PDE4D: variants seen among roughly 807,000 people sequenced by gnomAD.
PDE4D encodes the protein 3',5'-cyclic-AMP phosphodiesterase 4D.
Under a neutral mutation model 87.4 loss-of-function variants are expected in PDE4D, and 24 were observed. The observed-to-expected ratio is 0.27, with a 90% CI of 0.20 to 0.39. The LOEUF (loss-of-function observed/expected upper bound fraction) is 0.39. Among genes scored for constraint, PDE4D ranks in the 10% least tolerant of loss-of-function variants. The pLI is 1.00. For missense variants in PDE4D, 714 were observed against 1,041.0 expected (o/e 0.69, Z 4.32); for synonymous variants, 384 against 383.2 (o/e 1.00, Z -0.02).
intron 1 of PDE4D, among the ~76,000 whole-genome samples, chr5:60,430,553 T>G (rs554622686): frequency 1.1e-3 from 109 of 96,606 alleles, no homozygotes; most frequent in South Asian, 2.8e-3. Flanking sequence ...TTGTTTGTTT[T>G]TTTTTTTTAT....
chr5:59,616,485 T>G (rs1829686173), intron 1 of PDE4D, among the ~76,000 whole-genome samples: 1 of 152,134 alleles, frequency 6.6e-6, no homozygotes, highest in Admixed American at 6.6e-5. Context: ...AACTCTGTGA[T>G]AAATATAATG....
chr5:60,197,065 A>ACAGACAGT (rs1303772259), intron 1 of PDE4D, among the ~76,000 whole-genome samples: 33 of 104,040 alleles, frequency 3.2e-4, no homozygotes, highest in Non-Finnish European at 5.2e-4. Flanking sequence ...AGATAGATAG[A>ACAGACAGT]TAGATAGACA....
intron 5 of PDE4D, chr5:59,179,730 A>C (rs1741034151): frequency 2.5e-6 from 1 of 397,684 alleles, no homozygotes; most frequent in Non-Finnish European, 4.9e-6. Context: ...CTCAAGGAAG[A>C]CACTTGAATC....
intron 3 of PDE4D, among the ~76,000 whole-genome samples, chr5:59,968,189 G>C (rs1285215376): frequency 1.3e-5 from 2 of 151,724 alleles, no homozygotes; most frequent in East Asian, 3.9e-4. Context: ...TCTCCATGTT[G>C]GTCAGGCTGG....
intron 5 of PDE4D, among the ~76,000 whole-genome samples, chr5:59,113,651 T>G (rs1230307013): frequency 2.0e-5 from 3 of 152,194 alleles, no homozygotes; most frequent in African/African-American, 7.2e-5. Context: ...AAGGATGCCC[T>G]AGGGTACAAC....
chr5:60,069,790 A>G (rs1276354527), intron 2 of PDE4D, among the ~76,000 whole-genome samples: 1 of 152,058 alleles, frequency 6.6e-6, no homozygotes, highest in Non-Finnish European at 1.5e-5. Flanking sequence ...ATATTTTAAC[A>G]ATGTTAAGTC....
intron 1 of PDE4D, among the ~76,000 whole-genome samples, chr5:59,636,350 T>C (rs1299156815): frequency 3.9e-5 from 6 of 152,100 alleles, no homozygotes; most frequent in Admixed American, 3.9e-4. Flanking sequence ...CAAGCTACCA[T>C]TGACTTTCTT....
chr5:60,193,770 T>G (rs1201702797), intron 1 of PDE4D, among the ~76,000 whole-genome samples: 1 of 149,384 alleles, frequency 6.7e-6, no homozygotes, highest in Non-Finnish European at 1.5e-5. Flanking sequence ...AAGTTAACAA[T>G]AGGGCTCTTT....
At chr5:59,491,322 T>C (rs191133960) in intron 1 of PDE4D, among the ~76,000 whole-genome samples, 1 of 152,276 alleles carries the variant, frequency 6.6e-6, no homozygotes, top group East Asian at 1.9e-4. Context: ...TACTGCAAAG[T>C]AGGTAACTCT....
At chr5:59,676,722 T>A (rs1442952431) in intron 1 of PDE4D, among the ~76,000 whole-genome samples, 1 of 152,342 alleles carries the variant, frequency 6.6e-6, no homozygotes, top group East Asian at 1.9e-4. Flanking sequence ...ATACATACAA[T>A]GCATAGTGAT....
chr5:59,489,593 G>A (rs1582837242), intron 1 of PDE4D, among the ~76,000 whole-genome samples: 1 of 152,168 alleles, frequency 6.6e-6, no homozygotes, highest in African/African-American at 2.4e-5. Flanking sequence ...CAGATACATG[G>A]TGTTTCAGTA....
At position 59,356,850 on chromosome 5, in the gene PDE4D, T is replaced by A. The variant is rs746509286; in HGVS notation, c.456-140882A>T. The A allele has an allele frequency of 2.6e-6, 4 of 1,543,132 alleles. 1 individual carries two copies. In the South Asian group the frequency reaches 4.9e-5, roughly 19 times the overall value. On this transcript the variant is annotated intron_variant, in intron 1 of 14. Transcript: ENST00000340635. ...GAGGATCCCAAACAAAAGCCATTTT[T>A]AAGGACGATGCCAAGATCCCCAGGA...
intron 1 of PDE4D, among the ~76,000 whole-genome samples, chr5:59,451,590 A>G (rs1799162417): frequency 6.6e-6 from 1 of 152,156 alleles, no homozygotes; most frequent in African/African-American, 2.4e-5. Context: ...GAATCCTGAA[A>G]ATAATCCTAA....
intron 1 of PDE4D, among the ~76,000 whole-genome samples, chr5:59,376,409 A>G (rs905991645): frequency 2.6e-5 from 4 of 152,200 alleles, no homozygotes; most frequent in African/African-American, 9.6e-5. Context: ...CTGAGAGCCA[A>G]ATCAGGAATG....
chr5:59,763,854 CA>C (rs1762467842), intron 1 of PDE4D, among the ~76,000 whole-genome samples: 1 of 152,080 alleles, frequency 6.6e-6, no homozygotes, highest in African/African-American at 2.4e-5. Context: ...GGTGCCAGAC[CA>C]AAACCAGTGC....
At chr5:59,299,013 A>G (rs538407909) in intron 1 of PDE4D, among the ~76,000 whole-genome samples, 17 of 152,350 alleles carry the variant, frequency 1.1e-4, no homozygotes, top group African/African-American at 4.1e-4. Context: ...AAATACTTGT[A>G]TACACATGCA....
At chr5:59,839,115 A>G (rs1742587640) in intron 1 of PDE4D, among the ~76,000 whole-genome samples, 1 of 151,836 alleles carries the variant, frequency 6.6e-6, no homozygotes, top group South Asian at 2.1e-4. Flanking sequence ...CGTTCCACTG[A>G]ACGTTGAGTC....
At chr5:59,167,257 T>C (rs1243027107) in intron 5 of PDE4D, among the ~76,000 whole-genome samples, 1 of 152,180 alleles carries the variant, frequency 6.6e-6, no homozygotes, top group Non-Finnish European at 1.5e-5. Context: ...TTCCTCCTCC[T>C]TCACATAGAT....
At chr5:60,391,326 C>A (rs895609263) in intron 1 of PDE4D, among the ~76,000 whole-genome samples, 1 of 152,178 alleles carries the variant, frequency 6.6e-6, no homozygotes, top group Non-Finnish European at 1.5e-5. Flanking sequence ...ACAGCCACCC[C>A]GCAGATTAGT....
Sources: allele counts gnomAD v4.1 joint callset (sites outside exome capture counted in the v4.1 genomes callset), GRCh38; gene constraint gnomAD v4.1.1; transcripts MANE v1.5; gene names NCBI Gene and HGNC (gene_info 2026-07-23, HGNC 2026-07-21).